CREBRF: variants seen among roughly 807,000 people sequenced by gnomAD.
CREBRF encodes the protein UPF0474 protein C5orf41.
In CREBRF, 5 loss-of-function variants were observed where a neutral mutation model predicts 66.1. The ratio of observed to expected loss-of-function variants is 0.08; its 90% CI spans 0.04 to 0.16. CREBRF has a LOEUF of 0.16. Among genes scored for constraint, CREBRF ranks in the 10% least tolerant of loss-of-function variants. The pLI is 1.00. For missense variants in CREBRF, 531 were observed against 744.9 expected (o/e 0.71, Z 3.34); for synonymous variants, 229 against 264.4 (o/e 0.87, Z 1.30).
intron 7 of CREBRF, among the ~76,000 whole-genome samples, chr5:173,118,444 G>GT (rs761058553): frequency 6.6e-6 from 1 of 151,548 alleles, no homozygotes; most frequent in Non-Finnish European, 1.5e-5. Flanking sequence ...ATCTTTTCTT[G>GT]TATTTTTTTT....
chr5:173,088,603 G>A lies in CREBRF; in HGVS notation c.136-1712G>A, dbSNP rs1236110808. On this transcript the variant is annotated intron_variant, in intron 3 of 8. Transcript: ENST00000296953. ...TTTTCAGCTGGAAAACATTGAGCAAGGCATGTGAATGACATAAAGAATGTG... is the reference window on the plus strand; with the variant it reads ...TTTTCAGCTGGAAAACATTGAGCAAAGCATGTGAATGACATAAAGAATGTG... 3.3e-5 allele frequency among the ~76,000 whole-genome samples: 5 copies of A among 151,414 alleles called. No individual in the cohort carries two copies. In the East Asian group the frequency reaches 7.8e-4, roughly 24 times the overall value.
intron 7 of CREBRF, among the ~76,000 whole-genome samples, chr5:173,118,752 A>C (rs1247195481): frequency 6.7e-6 from 1 of 149,322 alleles, no homozygotes; most frequent in African/African-American, 2.5e-5. Flanking sequence ...TTTTAAATAG[A>C]GACAGGGCTG....
At position 173,131,303 on chromosome 5, in the gene CREBRF, G is replaced by A. The variant is rs118063503; in HGVS notation, c.1805-2327G>A. ...ACAAGGACATTCTCTTAGCCACAAC[G>A]CCAGTGTCACATCCTAGTGCTTCAA... On this transcript the variant is annotated intron_variant, in intron 8 of 8. Coordinates refer to ENST00000296953, the MANE Select transcript of CREBRF (RefSeq NM_153607.3). Among the ~76,000 whole-genome samples the A allele has an allele frequency of 2.4e-3, 361 of 152,252 alleles. 3 individuals carry two copies. The East Asian group carries it at 0.024, about 10-fold the overall frequency.
chr5:173,076,283 C>T (rs894529581), intron 1 of CREBRF, among the ~76,000 whole-genome samples: 4 of 152,096 alleles, frequency 2.6e-5, no homozygotes. Flanking sequence ...TCATTGATAC[C>T]TACCTCTTAA....
intron 1 of CREBRF, chr5:173,060,255 G>T (rs1048275872): frequency 1.3e-5 from 2 of 148,530 alleles, no homozygotes; most frequent in Non-Finnish European, 3.0e-5. Flanking sequence ...TTTTGAGACG[G>T]AGTCTAACTG....
intron 1 of CREBRF, among the ~76,000 whole-genome samples, chr5:173,066,692 G>T (rs1040262548): frequency 6.7e-6 from 1 of 149,620 alleles, no homozygotes; most frequent in Admixed American, 6.7e-5. Flanking sequence ...CTATTGTTTT[G>T]TCTTCTCTGA....
chr5:173,090,499 G>A lies in CREBRF; in HGVS notation c.320G>A (p.Cys107Tyr), dbSNP rs1428337199. The A allele has an allele frequency of 6.2e-7, 1 of 1,613,330 alleles. No homozygotes were observed. The highest frequency in any genetic ancestry group is 8.5e-7 in the Non-Finnish European group (1 of 1,179,380). ...ACGAAATATACCAAACTAACCAGCT[G>A]TGACATCTGGGGAACAAAAGAAGTG... ...DLTKYTKLTS[C>Y]DIWGTKEVDY... The change falls in exon 4 of 9, where the codon TGT becomes TAT. Residue 107 changes from cysteine to tyrosine, a missense_variant. Transcript: ENST00000296953. This position sits in a 1 kb window ranked among gnomAD's most constrained non-coding sequence, Gnocchi z 4.5.
intron 2 of CREBRF, among the ~76,000 whole-genome samples, chr5:173,082,003 G>GTTTTTTTTTTT (rs869148787): frequency 1.3e-5 from 1 of 78,044 alleles, no homozygotes; most frequent in African/African-American, 4.9e-5. Flanking sequence ...TCAAGGTTTA[G>GTTTTTTTTTTT]TTTTTTTTTT....
intron 1 of CREBRF, among the ~76,000 whole-genome samples, chr5:173,069,758 C>T (rs1446959712): frequency 6.6e-6 from 1 of 152,130 alleles, no homozygotes; most frequent in Non-Finnish European, 1.5e-5. Flanking sequence ...ACTGCAAAAC[C>T]ATGTTCAAAT....
At chr5:173,089,837 C>A (rs1758276256) in intron 3 of CREBRF, among the ~76,000 whole-genome samples, 1 of 152,022 alleles carries the variant, frequency 6.6e-6, no homozygotes, top group East Asian at 1.9e-4. Context: ...AAAAAGATAT[C>A]CTCTTCTGTA....
At chr5:173,094,779 G>A (rs1454430173) in intron 4 of CREBRF, among the ~76,000 whole-genome samples, 5 of 151,958 alleles carry the variant, frequency 3.3e-5, no homozygotes, top group African/African-American at 1.2e-4. Context: ...GAGCTTTTTG[G>A]TTTGATGCAA....
chr5:173,058,193 G>A (rs973077517), intron 1 of CREBRF, among the ~76,000 whole-genome samples: 3 of 152,014 alleles, frequency 2.0e-5, no homozygotes, highest in Non-Finnish European at 2.9e-5. Flanking sequence ...TGAATAATTC[G>A]AAAATAACTT....
intron 1 of CREBRF, 133 bp from the exon 2 acceptor site, chr5:173,080,452 C>T (rs1266396058): frequency 2.4e-5 from 7 of 289,494 alleles, no homozygotes; most frequent in African/African-American, 4.3e-5. Context: ...TCCTTGATAA[C>T]TCAACCATAA....
At chr5:173,115,598 T>C (rs984072638) in intron 7 of CREBRF, among the ~76,000 whole-genome samples, 10 of 152,194 alleles carry the variant, frequency 6.6e-5, no homozygotes, top group Non-Finnish European at 1.3e-4. Context: ...ACTTCCTTGT[T>C]CAGTGACACA....
intron 3 of CREBRF, among the ~76,000 whole-genome samples, chr5:173,088,726 AAC>A (rs1267829481): frequency 6.6e-6 from 1 of 152,142 alleles, no homozygotes; most frequent in African/African-American, 2.4e-5. Flanking sequence ...ACATTTTAAA[AAC>A]AGTTTTAATT....
At chr5:173,082,731 A>C (rs757371758) in intron 2 of CREBRF, among the ~76,000 whole-genome samples, 1 of 151,250 alleles carries the variant, frequency 6.6e-6, no homozygotes, top group Non-Finnish European at 1.5e-5. Context: ...AACATGGTGA[A>C]ACCCTGTCTC....
rs184233451 is a variant in CREBRF at position 173,091,906 on chromosome 5, G to A, written c.1222+505G>A. 11 of 407,382 alleles carry A rather than the reference G, an allele frequency of 2.7e-5. No homozygotes were observed. The East Asian group carries it at 8.0e-4, about 30-fold the overall frequency. The allele number at this position is 407,382 out of a possible 1,614,324, so 25.2% of individuals were successfully genotyped here. On this transcript the variant is annotated intron_variant, in intron 4 of 8. Transcript: ENST00000296953. ...TAAAGACCAGCCCGGCCAACACAGCGAAACCCTGTCTCTACTAAAAATACA... is the reference window on the plus strand; with the variant it reads ...TAAAGACCAGCCCGGCCAACACAGCAAAACCCTGTCTCTACTAAAAATACA...
At chr5:173,125,282 G>T (rs1465419245) in intron 8 of CREBRF, among the ~76,000 whole-genome samples, 1 of 151,700 alleles carries the variant, frequency 6.6e-6, no homozygotes, top group Non-Finnish European at 1.5e-5. Flanking sequence ...GCTGATCTTA[G>T]GTTCCTTTTA....
In CREBRF at chr5:173,066,425, C is replaced by T. The variant is rs575481826; in HGVS notation, c.-192+9946C>T. ...AATTCACCTTTTTCCTAAAGCTTTTCCAAACTTTCCCAGGTAGTAGTATTC... is the reference window on the plus strand; with the variant it reads ...AATTCACCTTTTTCCTAAAGCTTTTTCAAACTTTCCCAGGTAGTAGTATTC... On this transcript the variant is annotated intron_variant, in intron 1 of 8. Coordinates refer to ENST00000296953, the MANE Select transcript of CREBRF (RefSeq NM_153607.3). Among the ~76,000 whole-genome samples, 8 of 152,088 alleles carry T rather than the reference C, an allele frequency of 5.3e-5. No homozygotes were observed. In the South Asian group the frequency reaches 8.3e-4, roughly 16 times the overall value.
Sources: gnomAD v4.1 joint callset for allele counts (sites outside exome capture counted in the v4.1 genomes callset) on GRCh38, gnomAD v4.1.1 for gene constraint, Gnocchi (gnomAD v3.1) non-coding constraint, MANE v1.5 for transcripts, NCBI Gene and HGNC (gene_info 2026-07-23, HGNC 2026-07-21) for gene names.